TRIO: variants seen among roughly 807,000 people sequenced by gnomAD.
TRIO encodes trio Rho guanine nucleotide exchange factor, also known as triple functional domain protein.
Under a neutral mutation model 351.9 loss-of-function variants are expected in TRIO, and 58 were observed. The observed-to-expected ratio is 0.16, with a 90% confidence interval of 0.13 to 0.21. The LOEUF is 0.21. TRIO is among the 10% of genes least tolerant of loss of function. TRIO has a pLI of 1.00. For missense variants in TRIO, 3,201 were observed against 4,027.8 expected, an observed-to-expected ratio of 0.79 and a Z score of 5.56; for synonymous variants, 1,758 against 1,595.7, an observed-to-expected ratio of 1.10 and a Z score of -2.42.
At chr5:14,467,586 C>T (rs991221694) in intron 37 of TRIO, among the ~76,000 whole-genome samples, 1 of 152,106 alleles carries the variant, frequency 6.6e-6, no homozygotes, top group African/African-American at 2.4e-5. Flanking sequence ...GAGGCCAAGG[C>T]AGGCATATTG....
At chr5:14,361,000 C>T (rs1036518810) in intron 13 of TRIO, among the ~76,000 whole-genome samples, 1 of 152,214 alleles carries the variant, frequency 6.6e-6, no homozygotes, top group Non-Finnish European at 1.5e-5. Context: ...CCTGCCATGT[C>T]CTCCCCAAGG....
At chr5:14,282,572 AAAAC>A (rs1736094865) in intron 3 of TRIO, among the ~76,000 whole-genome samples, 1 of 149,010 alleles carries the variant, frequency 6.7e-6, no homozygotes, top group African/African-American at 2.6e-5. Context: ...CTTTAAAAAA[AAAAC>A]CTTTTTTTTG....
chr5:14,192,080 T>G (rs1253494829), intron 1 of TRIO, among the ~76,000 whole-genome samples: 2 of 152,120 alleles, frequency 1.3e-5, no homozygotes, highest in Non-Finnish European at 2.9e-5. Flanking sequence ...GAAGAATATA[T>G]CTAGCATTAG....
intron 7 of TRIO, among the ~76,000 whole-genome samples, chr5:14,298,619 C>A (rs1422286549): frequency 6.6e-6 from 1 of 152,114 alleles, no homozygotes; most frequent in Non-Finnish European, 1.5e-5. Flanking sequence ...AGGATTTTGG[C>A]AGGGCAGTCA....
At chr5:14,304,693 T>A (rs1738206432) in intron 8 of TRIO, 101 bp downstream of exon 8, 2 of 1,371,322 alleles carry the variant, frequency 1.5e-6, no homozygotes, top group East Asian at 4.7e-5. Flanking sequence ...CCAGAAAAAG[T>A]TTATAGATTT....
intron 1 of TRIO, among the ~76,000 whole-genome samples, chr5:14,214,884 CA>C (rs1410351051): frequency 2.6e-5 from 4 of 152,096 alleles, no homozygotes; most frequent in Non-Finnish European, 5.9e-5. Context: ...TCATTGATTT[CA>C]AATCAGTAGT....
intron 1 of TRIO, among the ~76,000 whole-genome samples, chr5:14,150,311 T>TG (rs1472621544): frequency 7.3e-6 from 1 of 136,450 alleles, no homozygotes; most frequent in Non-Finnish European, 1.6e-5. Context: ...AGTTAGGGGG[T>TG]GGGGGAGTAT....
At chr5:14,249,476 T>C in intron 1 of TRIO, among the ~76,000 whole-genome samples, 1 of 152,150 alleles carries the variant, frequency 6.6e-6, no homozygotes, top group East Asian at 1.9e-4. Context: ...GAATTGCCAA[T>C]GGAGAATGGG....
At chr5:14,291,890 A>G (rs1004257521) in intron 5 of TRIO, among the ~76,000 whole-genome samples, 3 of 151,474 alleles carry the variant, frequency 2.0e-5, no homozygotes, top group African/African-American at 7.3e-5. Flanking sequence ...TAAAATCAAG[A>G]TGAGTAATGT....
chr5:14,194,986 T>C (rs1790688361), intron 1 of TRIO, among the ~76,000 whole-genome samples: 1 of 152,050 alleles, frequency 6.6e-6, no homozygotes, highest in South Asian at 2.1e-4. Flanking sequence ...GACATAATAC[T>C]TCTTTTACCT....
At chr5:14,162,453 C>T (rs550473773) in intron 1 of TRIO, among the ~76,000 whole-genome samples, 1 of 152,294 alleles carries the variant, frequency 6.6e-6, no homozygotes, top group South Asian at 2.1e-4. Flanking sequence ...TCAGTTTTTA[C>T]TTTGTTCTTT....
chr5:14,292,511 T>G (rs1736998812), intron 5 of TRIO, among the ~76,000 whole-genome samples: 1 of 152,250 alleles, frequency 6.6e-6, no homozygotes, highest in African/African-American at 2.4e-5. Context: ...AAATTTTATG[T>G]TTTTGCAATC....
chr5:14,383,281 C>CCA (rs1746273065), intron 21 of TRIO, among the ~76,000 whole-genome samples: 1 of 152,324 alleles, frequency 6.6e-6, no homozygotes, highest in Admixed American at 6.5e-5. Flanking sequence ...ACATCACATA[C>CCA]CACACTCAAA....
intron 11 of TRIO, among the ~76,000 whole-genome samples, chr5:14,349,271 T>A (rs908250368): frequency 6.8e-6 from 1 of 147,164 alleles, no homozygotes; most frequent in Non-Finnish European, 1.5e-5. Context: ...GTTTTTCCTG[T>A]GTGTATGTGT....
chr5:14,161,153 C>T (rs1405073116), intron 1 of TRIO, among the ~76,000 whole-genome samples: 1 of 152,188 alleles, frequency 6.6e-6, no homozygotes, highest in East Asian at 1.9e-4. Context: ...CAGTGATACA[C>T]CTTGGCCTCC....
At position 14,504,406 on chromosome 5, in the gene TRIO, G is replaced by T; in HGVS notation, c.8425G>T (p.Val2809Phe). 3 of 1,614,182 alleles carry T rather than the reference G, an allele frequency of 1.9e-6. No homozygotes were observed. Among genetic ancestry groups the T allele is most frequent in the Non-Finnish European group, 1.7e-6 (2 of 1,180,042 alleles). ...VAELGRGRFSVVKKCDQKGTK... is the reference protein window; with the variant it reads ...VAELGRGRFSFVKKCDQKGTK... ...CATATTTTACAGGGGCAGATTCTCT[G>T]TCGTTAAGAAATGTGATCAGAAAGG... Residue 2809 changes from valine (V) to phenylalanine (F), a missense_variant, in exon 55 of 57, where the codon GTC becomes TTC. Val to Phe is a conservative substitution (Grantham distance 50). This residue lies in a region of TRIO where 1,089 missense variants were observed against 954.9 expected (regional missense o/e 1.14). Coordinates refer to ENST00000344204, the MANE Select transcript of TRIO (RefSeq NM_007118.4).
intron 14 of TRIO, 128 bp downstream of exon 14, chr5:14,364,055 C>A: frequency 1.1e-6 from 1 of 872,628 alleles, no homozygotes; most frequent in Non-Finnish European, 1.7e-6. Context: ...GATACCTGTT[C>A]TTTAAAAGAA....
intron 1 of TRIO, among the ~76,000 whole-genome samples, chr5:14,193,036 G>A (rs1336288779): frequency 6.6e-6 from 1 of 152,170 alleles, no homozygotes; most frequent in Non-Finnish European, 1.5e-5. Context: ...GACCCTGCTG[G>A]GAAGAAACTC....
chr5:14,249,806 G>C (rs1050584747), intron 1 of TRIO, among the ~76,000 whole-genome samples: 1 of 152,212 alleles, frequency 6.6e-6, no homozygotes, highest in Non-Finnish European at 1.5e-5. Context: ...CTGACACCCA[G>C]AGCAGCTTCA....
Sources: gnomAD v4.1 joint callset for allele counts (sites outside exome capture counted in the v4.1 genomes callset) on GRCh38, gnomAD v4.1.1 for gene constraint, gnomAD v4.1.1 regional missense constraint, MANE v1.5 for transcripts, NCBI Gene and HGNC (gene_info 2026-07-23, HGNC 2026-07-21) for gene names.